TTC28: variants seen among roughly 807,000 people sequenced by gnomAD.
TTC28 encodes tetratricopeptide repeat protein 28.
In TTC28, 61 loss-of-function variants were observed where a neutral mutation model predicts 198.0. That is an observed-to-expected ratio of 0.31 (90% confidence interval 0.25 to 0.38). The LOEUF is 0.38. Ranked by LOEUF, TTC28 falls within the 10% of genes least tolerant of loss-of-function variation. TTC28 has a pLI of 1.00. For synonymous variants in TTC28, 1,171 were observed against 1,297.8 expected (o/e 0.90, Z 2.10); for missense variants, 2,678 against 3,164.0 (o/e 0.85, Z 3.69).
chr22:28,103,381 G>T (rs1481573923), intron 8 of TTC28, among the ~76,000 whole-genome samples: 1 of 152,224 alleles, frequency 6.6e-6, no homozygotes, highest in African/African-American at 2.4e-5. Flanking sequence ...AAAAGGCTCA[G>T]ACCAGGCCCC....
At chr22:28,118,450 C>CAATG (rs1942697650) in intron 6 of TTC28, among the ~76,000 whole-genome samples, 1 of 151,914 alleles carries the variant, frequency 6.6e-6, no homozygotes, top group Non-Finnish European at 1.5e-5. Flanking sequence ...GACACTCAGT[C>CAATG]AATGACAGAC....
At chr22:28,231,104 G>A (rs1928767223) in intron 5 of TTC28, among the ~76,000 whole-genome samples, 3 of 152,160 alleles carry the variant, frequency 2.0e-5, no homozygotes, top group Admixed American at 6.5e-5. Context: ...ATCTGTTCAT[G>A]CCACAACTAC....
chr22:28,025,776 A>G (rs1938806497), intron 13 of TTC28, among the ~76,000 whole-genome samples: 1 of 152,210 alleles, frequency 6.6e-6, no homozygotes, highest in African/African-American at 2.4e-5. Context: ...AGGCTGAGGC[A>G]GGAGGATCAC....
At position 27,982,184 on chromosome 22, in the gene TTC28, T is replaced by A; in HGVS notation, c.*37A>T. 6.9e-7 allele frequency: 1 copy of A among 1,454,962 alleles called. No homozygotes were observed. Among genetic ancestry groups the A allele is most frequent in the Non-Finnish European group, 9.1e-7 (1 of 1,102,614 alleles). 90.1% of individuals were successfully genotyped at this position (1,454,962 alleles called of 1,614,324 possible). ...CTGAAGCAAACGCCAGGCCCCCATC[T>A]GCAGGCTGCTCAGAGTCAGTGGGTA... On this transcript the variant is annotated 3_prime_UTR_variant, in exon 23 of 23. Transcript: ENST00000397906. The surrounding 1 kb of genome is among the most constrained non-coding windows in gnomAD (Gnocchi z 5.2).
chr22:28,081,299 T>C (rs940310227), intron 12 of TTC28, among the ~76,000 whole-genome samples: 1 of 151,478 alleles, frequency 6.6e-6, no homozygotes, highest in East Asian at 2.0e-4. Flanking sequence ...TCATGCCTCA[T>C]CCACCCAAGT....
chr22:28,646,703 A>G (rs1023149961), intron 1 of TTC28, among the ~76,000 whole-genome samples: 1 of 152,146 alleles, frequency 6.6e-6, no homozygotes, highest in African/African-American at 2.4e-5. Flanking sequence ...CATCTCTACT[A>G]AAAATACAAA....
At chr22:28,172,054 C>A (rs1922733735) in intron 5 of TTC28, among the ~76,000 whole-genome samples, 1 of 152,112 alleles carries the variant, frequency 6.6e-6, no homozygotes, top group African/African-American at 2.4e-5. Flanking sequence ...CCCTCCCCAC[C>A]TTATTCTTTG....
At chr22:28,590,511 G>A (rs2050408794) in intron 2 of TTC28, among the ~76,000 whole-genome samples, 1 of 152,024 alleles carries the variant, frequency 6.6e-6, no homozygotes, top group African/African-American at 2.4e-5. Flanking sequence ...CCATCACTTT[G>A]GGAAGCCAAG....
intron 5 of TTC28, among the ~76,000 whole-genome samples, chr22:28,205,738 A>G (rs1926347061): frequency 6.6e-6 from 1 of 152,116 alleles, no homozygotes; most frequent in Non-Finnish European, 1.5e-5. Flanking sequence ...TAGGGGAAGG[A>G]GCCCACATAA....
intron 2 of TTC28, among the ~76,000 whole-genome samples, chr22:28,521,402 A>C (rs1403501273): frequency 6.6e-6 from 1 of 152,080 alleles, no homozygotes; most frequent in Admixed American, 6.6e-5. Flanking sequence ...GGGAGACCCT[A>C]TCTCTTACAT....
chr22:28,535,382 GCA>G (rs974398377), intron 2 of TTC28, among the ~76,000 whole-genome samples: 14 of 152,154 alleles, frequency 9.2e-5, no homozygotes, highest in African/African-American at 3.1e-4. Flanking sequence ...GGTAACCACA[GCA>G]CAGATTCTTA....
intron 2 of TTC28, among the ~76,000 whole-genome samples, chr22:28,376,855 C>A (rs890196987): frequency 1.3e-5 from 2 of 152,122 alleles, no homozygotes; most frequent in African/African-American, 4.8e-5. Context: ...CCAATCAGCA[C>A]ATCCAGGTGA....
intron 2 of TTC28, among the ~76,000 whole-genome samples, chr22:28,328,244 C>A (rs1324847781): frequency 4.6e-5 from 7 of 151,918 alleles, no homozygotes; most frequent in African/African-American, 1.5e-4. Context: ...CCAGCTTGGG[C>A]AACATAGCAA....
chr22:28,074,818 G>T (rs1358334752), intron 12 of TTC28, among the ~76,000 whole-genome samples: 1 of 152,204 alleles, frequency 6.6e-6, no homozygotes, highest in Non-Finnish European at 1.5e-5. Context: ...AAGGTCATGA[G>T]GCCAGGCGCA....
At chr22:27,989,750 G>T in intron 21 of TTC28, 128 bp downstream of exon 21, 1 of 1,269,266 alleles carries the variant, frequency 7.9e-7, no homozygotes. Flanking sequence ...CCCAGCCTGA[G>T]TTAACTGTTT....
At chr22:28,492,871 A>G (rs2048398018) in intron 2 of TTC28, among the ~76,000 whole-genome samples, 1 of 152,070 alleles carries the variant, frequency 6.6e-6, no homozygotes, top group Non-Finnish European at 1.5e-5. Flanking sequence ...AATACACGAA[A>G]TGTTCCCAAA....
chr22:27,988,135 CCT>C (rs566947644), intron 21 of TTC28, among the ~76,000 whole-genome samples: 2 of 152,118 alleles, frequency 1.3e-5, no homozygotes, highest in Non-Finnish European at 2.9e-5. Context: ...ATTCAGAACC[CCT>C]GTGAGGCACT....
At chr22:28,493,058 A>AG (rs1477096230) in intron 2 of TTC28, among the ~76,000 whole-genome samples, 4 of 151,856 alleles carry the variant, frequency 2.6e-5, no homozygotes, top group African/African-American at 9.7e-5. Flanking sequence ...AAAAAAAAAA[A>AG]AAAAAAAAAA....
At chr22:28,619,885 G>A (rs1432294758) in intron 2 of TTC28, among the ~76,000 whole-genome samples, 1 of 152,166 alleles carries the variant, frequency 6.6e-6, no homozygotes, top group African/African-American at 2.4e-5. Context: ...AAATTATGGG[G>A]ACCATGCGCA....
Sources: gnomAD v4.1 joint callset for allele counts (sites outside exome capture counted in the v4.1 genomes callset) on GRCh38, gnomAD v4.1.1 for gene constraint, Gnocchi (gnomAD v3.1) non-coding constraint, MANE v1.5 for transcripts, NCBI Gene and HGNC (gene_info 2026-07-23, HGNC 2026-07-21) for gene names.